The following ZNF420 variants were observed in gnomAD, a reference collection of about 807,000 sequenced individuals.
ZNF420 encodes the protein zinc finger protein 420, also known as ATM and p53-associated KZNF protein.
ZNF420 carries 31 observed loss-of-function variants against 44.7 expected under a neutral mutation model. That is an observed-to-expected ratio of 0.69 (90% CI 0.52 to 0.94). The LOEUF (loss-of-function observed/expected upper bound fraction) is 0.94, where lower values mean the gene tolerates loss of function less well. Ranked by LOEUF, ZNF420 falls within the 40% of genes least tolerant of loss-of-function variation. ZNF420 has a pLI of 0.00. For synonymous variants in ZNF420, 245 were observed against 267.4 expected, an observed-to-expected ratio of 0.92 and a Z score of 0.82; for missense variants, 681 against 827.9, an observed-to-expected ratio of 0.82 and a Z score of 2.18.
intron 1 of ZNF420, among the ~76,000 whole-genome samples, chr19:37,014,249 GA>G (rs931578876): frequency 6.6e-6 from 1 of 152,176 alleles, no homozygotes; most frequent in African/African-American, 2.4e-5. Context: ...TTGAGACCAG[GA>G]CGGTGCCCTG....
chr19:37,110,283 G>A (rs1374500447), intron 4 of ZNF420, among the ~76,000 whole-genome samples: 2 of 152,138 alleles, frequency 1.3e-5, no homozygotes, highest in African/African-American at 2.4e-5. Flanking sequence ...CAGACCTCTG[G>A]GATTAACTTC....
chr19:37,037,584 C>G (rs1178560759), intron 1 of ZNF420, among the ~76,000 whole-genome samples: 4 of 152,224 alleles, frequency 2.6e-5, no homozygotes, highest in Admixed American at 2.0e-4. Flanking sequence ...AGGGGAAGAT[C>G]TCAACCAGTG....
chr19:37,079,644 A>T (rs1031797171), intron 1 of ZNF420, among the ~76,000 whole-genome samples: 1 of 152,158 alleles, frequency 6.6e-6, no homozygotes, highest in African/African-American at 2.4e-5. Flanking sequence ...ACATTTGGAC[A>T]CCTGAGTGAT....
At chr19:37,029,430 A>T (rs562085117) in intron 1 of ZNF420, among the ~76,000 whole-genome samples, 1 of 152,326 alleles carries the variant, frequency 6.6e-6, no homozygotes, top group African/African-American at 2.4e-5. Flanking sequence ...TAGGTATAAA[A>T]ATGTTAAGTA....
chr19:37,089,158 C>G (rs1195148368), intron 3 of ZNF420, 31 bp downstream of exon 3: 1 of 1,600,556 alleles, frequency 6.2e-7, no homozygotes, highest in East Asian at 2.2e-5. Flanking sequence ...GCTCTTTTCA[C>G]TTACTTTTTT....
chr19:37,122,512 TA>T (rs1029591864), intron 4 of ZNF420, among the ~76,000 whole-genome samples: 34 of 152,028 alleles, frequency 2.2e-4, no homozygotes, highest in African/African-American at 8.2e-4. Context: ...TACCTAATGC[TA>T]AATGACGAGT....
At chr19:37,064,964 C>G (rs2146446181) in intron 1 of ZNF420, among the ~76,000 whole-genome samples, 1 of 152,274 alleles carries the variant, frequency 6.6e-6, no homozygotes, top group Admixed American at 6.5e-5. Flanking sequence ...CTGCGAAGGC[C>G]CGAGCTCTGG....
chr19:37,105,590 A>G (rs570763805), intron 4 of ZNF420, among the ~76,000 whole-genome samples: 2 of 152,290 alleles, frequency 1.3e-5, no homozygotes, highest in South Asian at 4.1e-4. Flanking sequence ...CTTGGGCAGT[A>G]TGGCCATTTT....
rs1328462293 is a variant in ZNF420, at chr19:37,130,213, T to C, written c.*1155T>C. On this transcript the variant is annotated 3_prime_UTR_variant, in exon 5 of 5. Coordinates refer to ENST00000337995, the MANE Select transcript of ZNF420 (RefSeq NM_144689.5). ...GGTGTTATGGATCATGGAGCAGAAA[T>C]ACAGAAGGAGTCTGCAACCCTGATG... 6.5e-7 allele frequency: 1 copy of C among 1,548,928 alleles called. No individual in the cohort carries two copies. The highest frequency in any genetic ancestry group is 2.0e-5 in the Admixed American group (1 of 50,640).
chr19:37,093,206 A>G (rs1969253348), intron 4 of ZNF420: 1 of 151,902 alleles, frequency 6.6e-6, no homozygotes, highest in Non-Finnish European at 1.5e-5. Context: ...CTTTTAAACA[A>G]CCACATCTCG....
intron 1 of ZNF420, among the ~76,000 whole-genome samples, chr19:37,054,543 A>G (rs1411094191): frequency 6.6e-6 from 1 of 152,232 alleles, no homozygotes; most frequent in Non-Finnish European, 1.5e-5. Flanking sequence ...ATGAAGACAA[A>G]ACCACAGTGA....
Position 37,066,272 on chromosome 19 carries a change from G to A in ZNF420, c.-124-14073G>A, listed in dbSNP as rs190661297. Among the ~76,000 whole-genome samples, 186 of 152,128 alleles carry A rather than the reference G, an allele frequency of 1.2e-3. 1 individual carries two copies. The highest frequency in any genetic ancestry group is 3.5e-4 in the Non-Finnish European group (24 of 67,980). The stretch of plus-strand genomic sequence containing the variant: ...AGCCTGACCAATATGGTGAAACCCC[G>A]TCTCTACTAAAAATACAAAAATTAG... On this transcript the variant is annotated intron_variant, in intron 1 of 4. Transcript: ENST00000587029.
rs60559933 is a variant in ZNF420 at position 37,021,936 on chromosome 19, CAAAAAAAAA to C, written c.-125+13873_-125+13881del. Among the ~76,000 whole-genome samples the C allele has an allele frequency of 2.4e-4, 20 of 84,580 alleles. 1 individual carries two copies. Among genetic ancestry groups the C allele is most frequent in the South Asian group, 9.6e-4 (2 of 2,078 alleles). 55.5% of individuals were successfully genotyped at this position (84,580 alleles called of 152,430 possible). On this transcript the variant is annotated intron_variant, in intron 1 of 4. Coordinates refer to the ZNF420 transcript ENST00000587029. ...TGAGCAACAGAGCGACAGTCTGTCT[CAAAAAAAAA>C]AAAAAAAAAAAAAAAAAAGAAAAGA...
At chr19:37,122,217 T>C (rs1435037290) in intron 4 of ZNF420, among the ~76,000 whole-genome samples, 1 of 152,170 alleles carries the variant, frequency 6.6e-6, no homozygotes, top group East Asian at 1.9e-4. Context: ...CCAACCCAAA[T>C]GTCCAACAAT....
intron 1 of ZNF420, among the ~76,000 whole-genome samples, chr19:37,027,364 A>G (rs778446920): frequency 6.6e-6 from 1 of 152,200 alleles, no homozygotes; most frequent in Non-Finnish European, 1.5e-5. Flanking sequence ...TAGTACACAC[A>G]CTTCCTCTAT....
intron 1 of ZNF420, among the ~76,000 whole-genome samples, chr19:37,042,799 A>G (rs1212356010): frequency 6.6e-5 from 10 of 152,164 alleles, no homozygotes; most frequent in Non-Finnish European, 1.3e-4. Context: ...CTTTCAGCCT[A>G]GGTTTTCAAC....
chr19:37,070,357 CTT>C (rs1332109474), intron 1 of ZNF420, among the ~76,000 whole-genome samples: 1 of 151,956 alleles, frequency 6.6e-6, no homozygotes, highest in Non-Finnish European at 1.5e-5. Context: ...AAATTTATGA[CTT>C]TGATATAGAG....
In ZNF420 at chr19:37,130,360, G is replaced by C; in HGVS notation, c.*1302G>C. The C allele has an allele frequency of 1.6e-6, 2 of 1,269,122 alleles. No homozygotes were observed. The highest frequency in any genetic ancestry group is 2.0e-6 in the Non-Finnish European group (2 of 999,828). 78.6% of individuals were successfully genotyped at this position (1,269,122 alleles called of 1,614,324 possible). On this transcript the variant is annotated 3_prime_UTR_variant, in exon 5 of 5. Coordinates refer to ENST00000337995, the MANE Select transcript of ZNF420 (RefSeq NM_144689.5). ...GTTATTGACAATAAAAATTCTTAAGGATATAAAATTTTGTACCTGGAAGTG... is the reference window on the plus strand; with the variant it reads ...GTTATTGACAATAAAAATTCTTAAGCATATAAAATTTTGTACCTGGAAGTG...
chr19:37,114,324 G>A (rs1291367465), intron 4 of ZNF420, among the ~76,000 whole-genome samples: 2 of 152,130 alleles, frequency 1.3e-5, no homozygotes, highest in African/African-American at 4.8e-5. Flanking sequence ...CCTGAAGTTC[G>A]GCTGGCGGCC....
Sources: allele counts gnomAD v4.1 joint callset (sites outside exome capture counted in the v4.1 genomes callset), GRCh38; gene constraint gnomAD v4.1.1; transcripts MANE v1.5; gene names NCBI Gene and HGNC (gene_info 2026-07-23, HGNC 2026-07-21).